The following CTDSPL2 variants were observed in gnomAD, a reference collection of about 807,000 sequenced individuals.
The protein encoded by CTDSPL2 is CTD small phosphatase-like protein 2.
In CTDSPL2, 5 loss-of-function variants were observed where a neutral mutation model predicts 60.0. The observed-to-expected ratio is 0.08, with a 90% CI of 0.04 to 0.18. The LOEUF (loss-of-function observed/expected upper bound fraction) is 0.18. Ranked by LOEUF, CTDSPL2 falls within the 10% of genes least tolerant of loss-of-function variation. The pLI is 1.00. For missense variants in CTDSPL2, 370 were observed against 548.8 expected (o/e 0.67, Z 3.26); for synonymous variants, 186 against 189.3 (o/e 0.98, Z 0.14).
chr15:44,511,805 T>C (rs1322895137), intron 8 of CTDSPL2, among the ~76,000 whole-genome samples: 1 of 145,758 alleles, frequency 6.9e-6, no homozygotes, highest in African/African-American at 2.6e-5. Context: ...GAGGCAGAGG[T>C]TGCAGTAAGC....
chr15:44,473,611 T>TTATA, intron 2 of CTDSPL2, among the ~76,000 whole-genome samples: 1 of 152,306 alleles, frequency 6.6e-6, no homozygotes, highest in Middle Eastern at 3.4e-3. Flanking sequence ...CTAGATTTTC[T>TTATA]TATATGAGTT....
chr15:44,525,837 GT>G lies in CTDSPL2; in HGVS notation c.*1667del, dbSNP rs1259693685. 4.0e-5 allele frequency: 7 copies of G among 174,588 alleles called. No individual in the cohort carries two copies. The highest frequency in any genetic ancestry group is 1.7e-4 in the African/African-American group (7 of 42,376). The allele number at this position is 174,588 out of a possible 1,614,324, so 10.8% of individuals were successfully genotyped here. A position where few individuals can be genotyped will look rare whatever the true frequency, so the allele number is the denominator to read the frequency against. ...ATTTTAACTTTTCATCAGGTTGAGT[GT>G]TTTCTTACTATATTATCTGTTGTGT... On this transcript the variant is annotated 3_prime_UTR_variant, in exon 13 of 13. Transcript: ENST00000260327.
chr15:44,448,628 G>A, intron 1 of CTDSPL2: 1 of 309,156 alleles, frequency 3.2e-6, no homozygotes, highest in Non-Finnish European at 6.4e-6. Flanking sequence ...CCACCATGGG[G>A]GTCCCTCCTC....
In CTDSPL2 at chr15:44,519,244, T is replaced by C. The variant is rs1213642794; in HGVS notation, c.1188T>C (p.Asp396=). 1.9e-6 allele frequency: 3 copies of C among 1,565,964 alleles called. No homozygotes were observed. Among genetic ancestry groups the C allele is most frequent in the Admixed American group, 2.0e-5 (1 of 50,118 alleles). Residue 396 remains aspartate, a synonymous_variant, in exon 11 of 13, where the codon GAT becomes GAC. Coordinates refer to ENST00000260327, the MANE Select transcript of CTDSPL2 (RefSeq NM_016396.3). ...YIKDLNILGR[D]LSKTIIIDNS... ...AGGACTTAAATATTCTTGGAAGAGA[T>C]CTTTCAAAAACTATAATAATTGACA...
In CTDSPL2 at chr15:44,472,018, A is replaced by G. The variant is rs548573049; in HGVS notation, c.187-12206A>G. ...ACAAAGTACATCCATGTTGTGGCAT[A>G]TATTATATCACTATTTCCTTTTTAT... is the stretch of plus-strand genomic sequence containing the variant. On this transcript the variant is annotated intron_variant, in intron 2 of 12. Transcript: ENST00000260327. Among the ~76,000 whole-genome samples the G allele has an allele frequency of 5.6e-4, 85 of 151,962 alleles. 1 individual carries two copies. Among genetic ancestry groups the G allele is most frequent in the Non-Finnish European group, 9.1e-4 (62 of 67,962 alleles).
At chr15:44,439,724 A>G (rs1040391492) in intron 1 of CTDSPL2, among the ~76,000 whole-genome samples, 1 of 152,180 alleles carries the variant, frequency 6.6e-6, no homozygotes, top group East Asian at 1.9e-4. Flanking sequence ...AAATCCTGAC[A>G]TAAGTAGTAG....
intron 1 of CTDSPL2, among the ~76,000 whole-genome samples, chr15:44,456,184 G>A (rs972584780): frequency 6.6e-6 from 1 of 152,184 alleles, no homozygotes; most frequent in African/African-American, 2.4e-5. Context: ...GTTCATCAAG[G>A]ATATTGGTCT....
intron 1 of CTDSPL2, among the ~76,000 whole-genome samples, chr15:44,441,875 T>G (rs2080094880): frequency 6.6e-6 from 1 of 152,174 alleles, no homozygotes; most frequent in Admixed American, 6.6e-5. Flanking sequence ...GCTCTTCTCT[T>G]TCTGGGGCTG....
At chr15:44,498,922 T>A (rs974678224) in intron 7 of CTDSPL2, among the ~76,000 whole-genome samples, 5 of 152,166 alleles carry the variant, frequency 3.3e-5, no homozygotes, top group African/African-American at 1.2e-4. Flanking sequence ...TAAAGTAAGA[T>A]GCTTTATAAA....
chr15:44,462,570 A>G (rs1218484601), intron 2 of CTDSPL2, among the ~76,000 whole-genome samples: 1 of 151,964 alleles, frequency 6.6e-6, no homozygotes, highest in East Asian at 1.9e-4. Flanking sequence ...GACAGGAGAT[A>G]GGGCTTAGGC....
chr15:44,505,988 C>T (rs901227331), intron 8 of CTDSPL2, among the ~76,000 whole-genome samples: 3 of 148,354 alleles, frequency 2.0e-5, no homozygotes, highest in Admixed American at 1.3e-4. Flanking sequence ...ATATAATGGC[C>T]AATTTTTCCC....
intron 1 of CTDSPL2, among the ~76,000 whole-genome samples, chr15:44,428,886 T>C (rs771599739): frequency 6.6e-6 from 1 of 152,124 alleles, no homozygotes; most frequent in Non-Finnish European, 1.5e-5. Flanking sequence ...CTTTCCTTTT[T>C]TTTAAATTAC....
rs35160726 is a variant in CTDSPL2 at position 44,444,836 on chromosome 15, G to GTTTTTTT, written c.-24-14131_-24-14125dup. On this transcript the variant is annotated intron_variant, in intron 1 of 12. Coordinates refer to ENST00000260327, the MANE Select transcript of CTDSPL2 (RefSeq NM_016396.3). ...GCCTGGTGTTGAGATATGGAATGTA[G>GTTTTTTT]TTTTTTTTTTTTTTTTTTTTTTTTT... Among the ~76,000 whole-genome samples the GTTTTTTT allele has an allele frequency of 1.7e-3, 121 of 69,614 alleles. 27 individuals carry two copies. Among genetic ancestry groups the GTTTTTTT allele is most frequent in the East Asian group, 6.8e-3 (11 of 1,608 alleles). The allele number at this position is 69,614 out of a possible 152,430, so 45.7% of individuals were successfully genotyped here. A position where few individuals can be genotyped will look rare whatever the true frequency, so the allele number is the denominator to read the frequency against.
At chr15:44,470,739 C>T (rs970450796) in intron 2 of CTDSPL2, among the ~76,000 whole-genome samples, 13 of 152,140 alleles carry the variant, frequency 8.5e-5, no homozygotes, top group African/African-American at 1.4e-4. Context: ...TGAGCCACCA[C>T]GCCTGGCCTA....
intron 2 of CTDSPL2, among the ~76,000 whole-genome samples, chr15:44,481,256 A>G (rs2081021685): frequency 6.6e-6 from 1 of 152,222 alleles, no homozygotes; most frequent in Non-Finnish European, 1.5e-5. Context: ...TGACTGCAGA[A>G]TTTTAGTCTT....
intron 1 of CTDSPL2, among the ~76,000 whole-genome samples, chr15:44,433,489 T>C (rs1745046022): frequency 6.7e-6 from 1 of 148,752 alleles, no homozygotes; most frequent in African/African-American, 2.5e-5. Context: ...CACACACACT[T>C]TTTTTTCTCT....
chr15:44,447,681 T>C (rs3784565), intron 1 of CTDSPL2: 14,569 of 153,592 alleles, frequency 0.095, 1,441 homozygotes, highest in East Asian at 0.24. Context: ...CCAAACCACA[T>C]CCCTTGGACT....
chr15:44,428,736 C>A (rs2079797760), intron 1 of CTDSPL2, among the ~76,000 whole-genome samples: 1 of 152,202 alleles, frequency 6.6e-6, no homozygotes, highest in African/African-American at 2.4e-5. Context: ...ATGGATTTAT[C>A]TGTGTAATTT....
chr15:44,461,193 A>T (rs954933663), intron 2 of CTDSPL2, among the ~76,000 whole-genome samples: 2 of 152,142 alleles, frequency 1.3e-5, no homozygotes, highest in Non-Finnish European at 2.9e-5. Context: ...TGTCTTCAGA[A>T]TTCTATTCAT....
Sources: allele counts gnomAD v4.1 joint callset (sites outside exome capture counted in the v4.1 genomes callset), GRCh38; gene constraint gnomAD v4.1.1; transcripts MANE v1.5; gene names NCBI Gene and HGNC (gene_info 2026-07-23, HGNC 2026-07-21).